The following EFCAB11 variants were observed in gnomAD, a reference collection of about 807,000 sequenced individuals.
The protein encoded by EFCAB11 is EF-hand calcium-binding domain-containing protein 11.
EFCAB11 carries 14 observed loss-of-function variants against 23.0 expected under a neutral mutation model. The observed-to-expected ratio is 0.61, with a 90% CI of 0.40 to 0.95. The LOEUF (loss-of-function observed/expected upper bound fraction) is 0.95. Among genes scored for constraint, EFCAB11 ranks in the 40% least tolerant of loss-of-function variants. The pLI is 0.00. For synonymous variants in EFCAB11, 65 were observed against 66.6 expected, an observed-to-expected ratio of 0.98 and a Z score of 0.11; for missense variants, 198 against 195.8, an observed-to-expected ratio of 1.01 and a Z score of -0.07.
At chr14:89,826,724 A>C (rs1362778383) in intron 5 of EFCAB11, among the ~76,000 whole-genome samples, 1 of 152,096 alleles carries the variant, frequency 6.6e-6, no homozygotes, top group Non-Finnish European at 1.5e-5. Flanking sequence ...TTCCATAAGA[A>C]TGCCACTAAA....
intron 5 of EFCAB11, among the ~76,000 whole-genome samples, chr14:89,845,956 A>G (rs536709232): frequency 6.6e-6 from 1 of 152,208 alleles, no homozygotes; most frequent in Non-Finnish European, 1.5e-5. Context: ...CAGAGTTAGT[A>G]TCTCAAGTTC....
chr14:89,892,420 G>A, intron 5 of EFCAB11: 1 of 1,581,704 alleles, frequency 6.3e-7, no homozygotes, highest in South Asian at 1.2e-5. Context: ...GCAGGAAGCA[G>A]CACCCAGGCC....
At chr14:89,827,452 T>C (rs987091033) in intron 5 of EFCAB11, among the ~76,000 whole-genome samples, 3 of 151,956 alleles carry the variant, frequency 2.0e-5, no homozygotes, top group Non-Finnish European at 4.4e-5. Context: ...CCTCTGTATC[T>C]CCGGAGGACA....
At chr14:89,952,670 T>C (rs745765001) in intron 2 of EFCAB11, 12 of 945,738 alleles carry the variant, frequency 1.3e-5, no homozygotes, top group Non-Finnish European at 1.5e-5. Context: ...ACAGTAAGTA[T>C]GTTCTGTTGA....
rs1322924599 is a variant in EFCAB11 at position 89,796,423 on chromosome 14, C to T, written c.*820G>A. ...CTGGGCTCAAATGATCCTTCCACCT[C>T]AGCCTCCCAAGTAGCTGGGACTACA... On this transcript the variant is annotated 3_prime_UTR_variant, in exon 6 of 6. Transcript: ENST00000316738. The T allele has an allele frequency of 6.6e-6, 1 of 152,216 alleles. No individual in the cohort carries two copies. Among genetic ancestry groups the T allele is most frequent in the Non-Finnish European group, 1.5e-5 (1 of 68,066 alleles). 9.4% of individuals were successfully genotyped at this position (152,216 alleles called of 1,614,324 possible).
chr14:89,869,035 C>G (rs1488908427), intron 5 of EFCAB11, among the ~76,000 whole-genome samples: 1 of 148,834 alleles, frequency 6.7e-6, no homozygotes, highest in Non-Finnish European at 1.5e-5. Flanking sequence ...GACCTCAACT[C>G]TACAAAAAAA....
intron 3 of EFCAB11, among the ~76,000 whole-genome samples, chr14:89,933,280 T>C (rs1890460855): frequency 6.6e-6 from 1 of 152,248 alleles, no homozygotes; most frequent in Non-Finnish European, 1.5e-5. Context: ...CAATGTCTAT[T>C]AAAACGAATT....
chr14:89,847,294 T>C (rs1440015342), intron 5 of EFCAB11, among the ~76,000 whole-genome samples: 1 of 152,158 alleles, frequency 6.6e-6, no homozygotes, highest in Non-Finnish European at 1.5e-5. Flanking sequence ...TTGCCCAGAG[T>C]TGCATCCTTG....
intron 5 of EFCAB11, among the ~76,000 whole-genome samples, chr14:89,824,199 A>G (rs925673747): frequency 6.6e-6 from 1 of 152,196 alleles, no homozygotes; most frequent in Non-Finnish European, 1.5e-5. Context: ...ATACTTGTTC[A>G]GAGAAAAAAA....
At chr14:89,893,674 A>G (rs940122771) in intron 5 of EFCAB11, among the ~76,000 whole-genome samples, 2 of 151,972 alleles carry the variant, frequency 1.3e-5, no homozygotes, top group African/African-American at 4.8e-5. Flanking sequence ...CTGTTGTGAC[A>G]TCATAGCCAA....
At chr14:89,805,855 T>C (rs907401596) in intron 5 of EFCAB11, among the ~76,000 whole-genome samples, 2 of 152,236 alleles carry the variant, frequency 1.3e-5, no homozygotes, top group Non-Finnish European at 2.9e-5. Flanking sequence ...TGGAACTTGA[T>C]GGACAGACAG....
intron 5 of EFCAB11, chr14:89,799,232 G>A (rs1353807367): frequency 6.6e-6 from 1 of 152,120 alleles, no homozygotes; most frequent in Non-Finnish European, 1.5e-5. Context: ...ATAATGAATG[G>A]CAGGGCATCA....
At chr14:89,803,899 T>A (rs1022689288) in intron 5 of EFCAB11, among the ~76,000 whole-genome samples, 4 of 152,078 alleles carry the variant, frequency 2.6e-5, no homozygotes, top group Admixed American at 2.0e-4. Flanking sequence ...TTTATTAATT[T>A]TACCTTTTTA....
At chr14:89,846,648 T>C (rs1361263771) in intron 5 of EFCAB11, among the ~76,000 whole-genome samples, 1 of 152,174 alleles carries the variant, frequency 6.6e-6, no homozygotes, top group Non-Finnish European at 1.5e-5. Flanking sequence ...CACAACTCAG[T>C]TCTTCATTTA....
rs1284472535 is a variant in EFCAB11 at position 89,954,649 on chromosome 14, G to A, written c.12C>T (p.Ser4=). The change falls in exon 1 of 6, where the codon TCC becomes TCT. Residue 4 remains serine, a synonymous_variant. Transcript: ENST00000316738. ...ACGTCCGCGACCTGGCTCTGGCCTC[G>A]GAGAAGAACATCGCGACTACAACAA... MFF[S]EARARSRTWE... is the part of the protein sequence containing the mutation. The A allele has an allele frequency of 3.7e-6, 6 of 1,612,404 alleles. No homozygotes were observed. The highest frequency in any genetic ancestry group is 4.2e-6 in the Non-Finnish European group (5 of 1,179,778).
intron 5 of EFCAB11, among the ~76,000 whole-genome samples, chr14:89,867,835 G>A (rs1888142168): frequency 6.6e-6 from 1 of 152,168 alleles, no homozygotes; most frequent in Non-Finnish European, 1.5e-5. Context: ...GACTGTGGAG[G>A]ACACTGGGAA....
chr14:89,875,639 A>T (rs142855528), intron 5 of EFCAB11, among the ~76,000 whole-genome samples: 59 of 152,336 alleles, frequency 3.9e-4, no homozygotes, highest in African/African-American at 1.3e-3. Context: ...AAAAAAGGAG[A>T]AGGATCAGCA....
intron 4 of EFCAB11, 84 bp downstream of exon 4, chr14:89,932,442 T>C: frequency 1.0e-6 from 1 of 984,364 alleles, no homozygotes; most frequent in Admixed American, 2.4e-5. Context: ...GTATATTATA[T>C]ATTTGATTTA....
chr14:89,828,382 T>G (rs1442500888), intron 5 of EFCAB11, among the ~76,000 whole-genome samples: 1 of 152,168 alleles, frequency 6.6e-6, no homozygotes, highest in East Asian at 1.9e-4. Flanking sequence ...TTTATGGAGG[T>G]GAAACAAGCT....
Sources: gnomAD v4.1 joint callset for allele counts (sites outside exome capture counted in the v4.1 genomes callset) on GRCh38, gnomAD v4.1.1 for gene constraint, MANE v1.5 for transcripts, NCBI Gene and HGNC (gene_info 2026-07-23, HGNC 2026-07-21) for gene names.